TLN1: variants seen among roughly 807,000 people sequenced by gnomAD.
TLN1 encodes the protein talin-1.
Under a neutral mutation model 292.3 loss-of-function variants are expected in TLN1, and 56 were observed. That is an observed-to-expected ratio of 0.19 (90% CI 0.15 to 0.24). TLN1 has a LOEUF of 0.24. Among genes scored for constraint, TLN1 ranks in the 10% least tolerant of loss-of-function variants. The probability of loss-of-function intolerance (pLI) is 1.00; values close to 1 mark genes in which losing one functional copy is unlikely to be tolerated. For synonymous variants in TLN1, 1,119 were observed against 1,253.7 expected (o/e 0.89, Z 2.27); for missense variants, 2,433 against 3,248.2 (o/e 0.75, Z 6.10).
At chr9:35,718,685 C>A in intron 17 of TLN1, 127 bp downstream of exon 17, 1 of 733,822 alleles carries the variant, frequency 1.4e-6, no homozygotes, top group South Asian at 1.7e-5. Flanking sequence ...AGTATCATCC[C>A]CTGGAAATAG....
intron 10 of TLN1, 63 bp from the exon 11 acceptor site, chr9:35,720,976 G>T: frequency 7.4e-7 from 1 of 1,352,498 alleles, no homozygotes. Flanking sequence ...GAAATGGCTA[G>T]GATGGGAGGC....
At chr9:35,708,669 C>T (rs748202795) in intron 33 of TLN1, among the ~76,000 whole-genome samples, 185 bp from the exon 34 acceptor site, 1 of 152,172 alleles carries the variant, frequency 6.6e-6, no homozygotes, top group Non-Finnish European at 1.5e-5. Flanking sequence ...AAAATACTCT[C>T]CTGTTTTCAT....
At position 35,706,864 on chromosome 9, in the gene TLN1, G is replaced by A. The variant is rs1825573929; in HGVS notation, c.4992C>T (p.Ala1664=). The A allele has an allele frequency of 1.2e-6, 2 of 1,613,870 alleles. No individual in the cohort carries two copies. The highest frequency in any genetic ancestry group is 1.3e-5 in the African/African-American group (1 of 74,904). Residue 1664 remains alanine (A), a synonymous_variant, in exon 38 of 57, where the codon GCC becomes GCT. Transcript: ENST00000314888. The surrounding 1 kb of genome is among the most constrained non-coding windows in gnomAD (Gnocchi z 4.2). The part of the protein sequence containing the change: ...KAPGQLECET[A]IAALNSCLRD... Reference sequence around the variant, plus strand: ...GTAGACAACTGTTCAGAGCTGCAATGGCCGTTTCACACTCCAGCTGCCCTG... The same window carrying A: ...GTAGACAACTGTTCAGAGCTGCAATAGCCGTTTCACACTCCAGCTGCCCTG...
At chr9:35,723,197 G>C (rs1825907886) in intron 7 of TLN1, 1 of 288,050 alleles carries the variant, frequency 3.5e-6, no homozygotes, top group Non-Finnish European at 6.7e-6. Flanking sequence ...CACCTCCCAG[G>C]TTCAAGTGAT....
At position 35,699,814 on chromosome 9, in the gene TLN1, T is replaced by G; in HGVS notation, c.6768+160A>C. On this transcript the variant is annotated intron_variant, in intron 50 of 56. Transcript: ENST00000314888. This position sits in a 1 kb window ranked among gnomAD's most constrained non-coding sequence, Gnocchi z 4.0. ...CAAAGATGATAAGAAGGATGGGGCC[T>G]GGGAGAAAGGGAGACTTGGAAAGGA... 1 of 697,740 alleles carries G rather than the reference T, an allele frequency of 1.4e-6. No homozygotes were observed. Among genetic ancestry groups the G allele is most frequent in the Non-Finnish European group, 1.8e-6 (1 of 567,942 alleles). 43.2% of individuals were successfully genotyped at this position (697,740 alleles called of 1,614,324 possible). A position where few individuals can be genotyped will look rare whatever the true frequency, so the allele number is the denominator to read the frequency against.
In TLN1 at chr9:35,720,851, T is replaced by A. The variant is rs1825869220; in HGVS notation, c.1167A>T (p.Ala389=). The part of the protein sequence containing the change: ...SVQTTEGEQI[A]QLIAGYIDII... ...TATCGATGTAGCCGGCAATGAGCTG[T>A]GCAATCTGCTCCCCTTCAGTTGTCT... The change falls in exon 11 of 57, where the codon GCA becomes GCT. Residue 389 remains alanine, a synonymous_variant. Transcript: ENST00000314888. The A allele has an allele frequency of 6.2e-7, 1 of 1,614,054 alleles. No homozygotes were observed. The highest frequency in any genetic ancestry group is 1.7e-5 in the Admixed American group (1 of 60,008).
Position 35,711,311 on chromosome 9 carries a change from G to C in TLN1, c.3963C>G (p.Ala1321=), listed in dbSNP as rs1330781738. The change falls in exon 30 of 57, where the codon GCC becomes GCG. Residue 1321 remains alanine (A), a synonymous_variant. Transcript: ENST00000314888. The part of the protein sequence containing the change: ...SSSKLLLAAK[A]LSTDPAAPNL... ...TAGGGGCAGCAGGGTCCGTGGACAG[G>C]GCCTTGGCAGCCAGAAGAAGTTTGC... 6.2e-7 allele frequency: 1 copy of C among 1,614,136 alleles called. No homozygotes were observed. Among genetic ancestry groups the C allele is most frequent in the Non-Finnish European group, 8.5e-7 (1 of 1,180,012 alleles).
chr9:35,713,865 G>A (rs1825725563), intron 25 of TLN1, 88 bp downstream of exon 25: 1 of 1,387,108 alleles, frequency 7.2e-7, no homozygotes, highest in Non-Finnish European at 9.7e-7. Flanking sequence ...GAAAAAGGAA[G>A]GAAGGAAAGG....
chr9:35,703,309 GT>G (rs1251627063), intron 48 of TLN1, among the ~76,000 whole-genome samples: 1 of 152,150 alleles, frequency 6.6e-6, no homozygotes, highest in Non-Finnish European at 1.5e-5. Context: ...AAGTCACATG[GT>G]GACTGAGGAA....
At position 35,698,888 on chromosome 9, in the gene TLN1, C is replaced by T; in HGVS notation, c.7045G>A (p.Ala2349Thr). The stretch of plus-strand genomic sequence containing the variant: ...CTGGTGGCTGCTGCAATGGACTTGG[C>T]AGCTTCTAGTATCTGCTCCTCAAAG... ...LNFEEQILEAAKSIAAATSAL... is the reference protein window; with the variant it reads ...LNFEEQILEATKSIAAATSAL... Residue 2349 changes from alanine (A) to threonine (T), a missense_variant, in exon 53 of 57, where the codon GCC (alanine) becomes ACC (threonine). By Grantham distance (58) the Ala-to-Thr change is moderately conservative. This residue lies in a region of TLN1 where 141 missense variants were observed against 248.5 expected (regional missense o/e 0.57). Coordinates refer to ENST00000314888, the MANE Select transcript of TLN1 (RefSeq NM_006289.4). This position sits in a 1 kb window ranked among gnomAD's most constrained non-coding sequence, Gnocchi z 5.3. The T allele has an allele frequency of 6.2e-7, 1 of 1,614,162 alleles. No homozygotes were observed. The highest frequency in any genetic ancestry group is 8.5e-7 in the Non-Finnish European group (1 of 1,180,006).
Position 35,724,500 on chromosome 9 carries a change from G to A in TLN1, c.511+72C>T, listed in dbSNP as rs779818799. The A allele has an allele frequency of 5.1e-6, 8 of 1,578,972 alleles. No individual in the cohort carries two copies. In the Admixed American group the frequency reaches 7.2e-5, roughly 14 times the overall value. Reference sequence around the variant, plus strand: ...TCCCCAGGGTGTAAAACAGTGCCTGGCAGAAGCAGATGCTGAAGCCCCTTC... The same window carrying A: ...TCCCCAGGGTGTAAAACAGTGCCTGACAGAAGCAGATGCTGAAGCCCCTTC... On this transcript the variant is annotated intron_variant, in intron 5 of 56. Transcript: ENST00000314888. This position sits in a 1 kb window ranked among gnomAD's most constrained non-coding sequence, Gnocchi z 4.7.
Position 35,715,225 on chromosome 9 carries a change from T to G in TLN1, c.2626-38A>C, listed in dbSNP as rs766408796. 2.5e-6 allele frequency: 4 copies of G among 1,598,736 alleles called. No homozygotes were observed. The Admixed American group carries it at 6.7e-5, about 27-fold the overall frequency. The stretch of plus-strand genomic sequence containing the variant: ...TGGAAAGACAGTCATCACCCAGCTC[T>G]CCTGTGGATCCTAAAGAAGCTCCTC... On this transcript the variant is annotated intron_variant, in intron 20 of 56. Transcript: ENST00000314888.
At chr9:35,712,249 T>G (rs1825686839) in intron 27 of TLN1, 125 bp from the exon 28 acceptor site, 2 of 1,311,820 alleles carry the variant, frequency 1.5e-6, no homozygotes, top group African/African-American at 3.0e-5. Flanking sequence ...GGGGGCGTTG[T>G]AGGTGAACAG....
At position 35,698,965 on chromosome 9, in the gene TLN1, T is replaced by C. The variant is rs201253498; in HGVS notation, c.7000-32A>G. On this transcript the variant is annotated intron_variant, in intron 52 of 56. Transcript: ENST00000314888. The surrounding 1 kb of genome is among the most constrained non-coding windows in gnomAD (Gnocchi z 5.3). ...TAAGCGAAGGTTGCAGAAAGAGATGTAAAGTCAGAGATGAAGGTGGGGACA... is the reference window on the plus strand; with the variant it reads ...TAAGCGAAGGTTGCAGAAAGAGATGCAAAGTCAGAGATGAAGGTGGGGACA... 1.2e-6 allele frequency: 2 copies of C among 1,611,036 alleles called. No homozygotes were observed. Among genetic ancestry groups the C allele is most frequent in the Admixed American group, 1.7e-5 (1 of 59,936 alleles).
At position 35,704,689 on chromosome 9, in the gene TLN1, C is replaced by A; in HGVS notation, c.5860G>T (p.Ala1954Ser). ...AYTKKELIECARRVSEKVSHV... is the reference protein window; with the variant it reads ...AYTKKELIECSRRVSEKVSHV... ...GTCACCTTCTCAGAGACTCTCCGGG[C>A]ACACTCTATGAGCTCCTTCTTGGTG... The change falls in exon 44 of 57, where the codon GCC becomes TCC. Residue 1954 changes from alanine to serine, a missense_variant. Ala to Ser is a moderately conservative substitution (Grantham distance 99, BLOSUM62 1). Coordinates refer to ENST00000314888, the MANE Select transcript of TLN1 (RefSeq NM_006289.4). This position sits in a 1 kb window ranked among gnomAD's most constrained non-coding sequence, Gnocchi z 6.9. 6.2e-7 allele frequency: 1 copy of A among 1,614,130 alleles called. No individual in the cohort carries two copies. Among genetic ancestry groups the A allele is most frequent in the Non-Finnish European group, 8.5e-7 (1 of 1,180,024 alleles).
chr9:35,717,116 T>C lies in TLN1; in HGVS notation c.2458+30A>G. 1 of 1,567,664 alleles carries C rather than the reference T, an allele frequency of 6.4e-7. No homozygotes were observed. Among genetic ancestry groups the C allele is most frequent in the Non-Finnish European group, 8.7e-7 (1 of 1,152,084 alleles). Reference sequence around the variant, plus strand: ...TGGGCTTAGGGAACCCTGGTAGGGTTTTTTGTTTTCCTGGGGGTGCGTGTC... The same window carrying C: ...TGGGCTTAGGGAACCCTGGTAGGGTCTTTTGTTTTCCTGGGGGTGCGTGTC... On this transcript the variant is annotated intron_variant, in intron 19 of 56. Transcript: ENST00000314888. The surrounding 1 kb of genome is among the most constrained non-coding windows in gnomAD (Gnocchi z 4.7).
chr9:35,712,017 G>C lies in TLN1; in HGVS notation c.3669C>G (p.Leu1223=), dbSNP rs748545088. Reference sequence around the variant, plus strand: ...ACCGTCCTCCTACCGAGTCACTCAGGAGTCGCTTGCTGGCATCTCCAACTG... The same window carrying C: ...ACCGTCCTCCTACCGAGTCACTCAGCAGTCGCTTGCTGGCATCTCCAACTG... ...LRAVGDASKR[L]LSDSLPPSTG... Residue 1223 remains leucine, a synonymous_variant, in exon 28 of 57, where the codon CTC becomes CTG. Transcript: ENST00000314888. 3 of 1,613,832 alleles carry C rather than the reference G, an allele frequency of 1.9e-6. No homozygotes were observed. The highest frequency in any genetic ancestry group is 1.3e-5 in the African/African-American group (1 of 74,908).
Position 35,724,985 on chromosome 9 carries a change from G to C in TLN1, c.229-26C>G. The C allele has an allele frequency of 6.2e-7, 1 of 1,613,700 alleles. No homozygotes were observed. On this transcript the variant is annotated intron_variant, in intron 3 of 56. Coordinates refer to ENST00000314888, the MANE Select transcript of TLN1 (RefSeq NM_006289.4). This position sits in a 1 kb window ranked among gnomAD's most constrained non-coding sequence, Gnocchi z 4.7. ...CTGTTAGGGCAGGAAGAAGAGACAG[G>C]GGCCTACTCTGAGCTAGGGGTATTA...
At chr9:35,712,750 G>A (rs932235898) in intron 27 of TLN1, 85 bp downstream of exon 27, 23 of 1,236,066 alleles carry the variant, frequency 1.9e-5, no homozygotes, top group Admixed American at 1.3e-4. Flanking sequence ...GAGTGTGGAC[G>A]AGGCTCAGAA....
Sources: allele counts gnomAD v4.1 joint callset (sites outside exome capture counted in the v4.1 genomes callset), GRCh38; gene constraint gnomAD v4.1.1; regional missense constraint gnomAD v4.1.1; non-coding constraint Gnocchi (gnomAD v3.1); transcripts MANE v1.5; gene names NCBI Gene and HGNC (gene_info 2026-07-23, HGNC 2026-07-21).